The following PLSCR2 variants were observed in gnomAD, a reference collection of about 807,000 sequenced individuals.
PLSCR2 encodes the protein phospholipid scramblase 2, also known as PL scramblase 2.
A neutral mutation model predicts 25.3 loss-of-function variants in PLSCR2; 18 were observed. The observed-to-expected ratio is 0.71, with a 90% CI of 0.49 to 1.06. The LOEUF is 1.06. Ranked by LOEUF, PLSCR2 falls within the 50% of genes least tolerant of loss-of-function variation. The pLI is 0.00. For synonymous variants in PLSCR2, 88 were observed against 87.3 expected, an observed-to-expected ratio of 1.01 and a Z score of -0.04; for missense variants, 243 against 269.5, an observed-to-expected ratio of 0.90 and a Z score of 0.69.
downstream of PLSCR2, among the ~76,000 whole-genome samples, chr3:146,431,345 T>C (rs531861077): frequency 4.6e-5 from 7 of 152,330 alleles, no homozygotes; most frequent in African/African-American, 1.7e-4. Flanking sequence ...CTGAAAGTTT[T>C]ATCAACTCAC....
intron 2 of PLSCR2, among the ~76,000 whole-genome samples, chr3:146,404,118 C>T (rs533012866): frequency 7.9e-5 from 12 of 152,206 alleles, no homozygotes; most frequent in Non-Finnish European, 1.5e-4. Context: ...GTAGGGACCA[C>T]ATGCATCAGG....
intron 2 of PLSCR2, among the ~76,000 whole-genome samples, chr3:146,404,919 T>A (rs562008134): frequency 6.6e-6 from 1 of 151,990 alleles, no homozygotes; most frequent in Non-Finnish European, 1.5e-5. Flanking sequence ...CCTTTGATTC[T>A]ATGTCTTGCA....
intron 2 of PLSCR2, among the ~76,000 whole-genome samples, chr3:146,396,537 G>A (rs1319100301): frequency 6.6e-6 from 1 of 152,128 alleles, no homozygotes; most frequent in Non-Finnish European, 1.5e-5. Context: ...AAATGGTAGG[G>A]GCATGGTTTT....
downstream of PLSCR2, among the ~76,000 whole-genome samples, chr3:146,431,757 A>T (rs1416820685): frequency 1.3e-5 from 2 of 152,198 alleles, no homozygotes; most frequent in African/African-American, 2.4e-5. Context: ...GGGGTGCAAC[A>T]AAGGTAACTA....
intron 1 of PLSCR2, among the ~76,000 whole-genome samples, chr3:146,474,725 G>T (rs950032706): frequency 6.6e-6 from 1 of 152,100 alleles, no homozygotes; most frequent in African/African-American, 2.4e-5. Context: ...ATATCATGAA[G>T]TGTGTTTTCC....
chr3:146,416,811 A>G (rs2039017395), intron 2 of PLSCR2, among the ~76,000 whole-genome samples: 1 of 152,214 alleles, frequency 6.6e-6, no homozygotes, highest in Non-Finnish European at 1.5e-5. Context: ...TCTCTTATCA[A>G]ATACCAAAAA....
At chr3:146,427,220 G>A (rs994192005) in intron 2 of PLSCR2, among the ~76,000 whole-genome samples, 10 of 152,166 alleles carry the variant, frequency 6.6e-5, no homozygotes, top group African/African-American at 1.9e-4. Context: ...CATGTATCCA[G>A]TTTTAGCATG....
upstream of PLSCR2, chr3:146,462,062 T>C (rs140814292): frequency 0.018 from 10,061 of 558,940 alleles, 119 homozygotes; most frequent in Non-Finnish European, 0.023. Flanking sequence ...TGGATTGAAA[T>C]AGTTCTGAAA....
chr3:146,404,736 G>T (rs2038594136), intron 2 of PLSCR2, among the ~76,000 whole-genome samples: 1 of 137,164 alleles, frequency 7.3e-6, no homozygotes, highest in South Asian at 2.5e-4. Flanking sequence ...ATGAAATTAA[G>T]TTATCTACTT....
At chr3:146,485,722 G>C (rs983471067) in intron 1 of PLSCR2, among the ~76,000 whole-genome samples, 6 of 151,934 alleles carry the variant, frequency 3.9e-5, no homozygotes, top group Non-Finnish European at 8.8e-5. Flanking sequence ...GTATTCATCT[G>C]TTTTCATGCT....
intron 1 of PLSCR2, among the ~76,000 whole-genome samples, chr3:146,484,567 G>A (rs1233511118): frequency 6.6e-6 from 1 of 152,100 alleles, no homozygotes; most frequent in African/African-American, 2.4e-5. Context: ...ACAAAGGGAA[G>A]CCCATCAGAC....
intron 6 of PLSCR2, among the ~76,000 whole-genome samples, chr3:146,443,474 T>G (rs1054489478): frequency 3.9e-5 from 6 of 152,078 alleles, no homozygotes; most frequent in Admixed American, 3.3e-4. Context: ...GATTTTTTCA[T>G]GGTTCAGTCT....
chr3:146,430,934 C>T (rs1027390773), downstream of PLSCR2, among the ~76,000 whole-genome samples: 2 of 152,138 alleles, frequency 1.3e-5, no homozygotes, highest in African/African-American at 4.8e-5. Context: ...CAATGTTACT[C>T]CAAGTCAGGG....
chr3:146,483,894 T>G (rs1269915898), intron 1 of PLSCR2, among the ~76,000 whole-genome samples: 2 of 151,830 alleles, frequency 1.3e-5, no homozygotes, highest in East Asian at 3.9e-4. Flanking sequence ...TCCAAATGAT[T>G]ACAACATCTC....
intron 1 of PLSCR2, among the ~76,000 whole-genome samples, chr3:146,495,575 C>T (rs2043717722): frequency 6.6e-6 from 1 of 152,136 alleles, no homozygotes; most frequent in Non-Finnish European, 1.5e-5. Flanking sequence ...AAGACCCCTC[C>T]CCGCTTCTGC....
chr3:146,404,997 T>C (rs550629201), intron 2 of PLSCR2, among the ~76,000 whole-genome samples: 1 of 152,274 alleles, frequency 6.6e-6, no homozygotes, highest in African/African-American at 2.4e-5. Context: ...CCTGTGGCTT[T>C]ACTGGTTTTG....
chr3:146,425,937 C>T (rs1261768325), intron 2 of PLSCR2, among the ~76,000 whole-genome samples: 1 of 152,048 alleles, frequency 6.6e-6, no homozygotes, highest in Non-Finnish European at 1.5e-5. Context: ...TTACAAGTAT[C>T]TTATTGAGTG....
At chr3:146,447,200 G>A (rs1461955497) in intron 6 of PLSCR2, among the ~76,000 whole-genome samples, 2 of 152,160 alleles carry the variant, frequency 1.3e-5, no homozygotes, top group African/African-American at 2.4e-5. Context: ...GGCCAAGCTG[G>A]TATACAAGCT....
Position 146,484,029 on chromosome 3 carries a change from G to A in PLSCR2, c.-293+11866C>T, listed in dbSNP as rs372861960. 3.4e-4 allele frequency among the ~76,000 whole-genome samples: 52 copies of A among 151,874 alleles called. No homozygotes were observed. The South Asian group carries it at 9.8e-3, about 29-fold the overall frequency. ...GCATGTTCTAACCCAATCTAAAGAAGCTAAGAACCATGATAGAAGGTTATA... is the reference window on the plus strand; with the variant it reads ...GCATGTTCTAACCCAATCTAAAGAAACTAAGAACCATGATAGAAGGTTATA... On this transcript the variant is annotated intron_variant, in intron 1 of 8. Transcript: ENST00000336685.
Sources: gnomAD v4.1 joint callset for allele counts (sites outside exome capture counted in the v4.1 genomes callset) on GRCh38, gnomAD v4.1.1 for gene constraint, MANE v1.5 for transcripts, NCBI Gene and HGNC (gene_info 2026-07-23, HGNC 2026-07-21) for gene names.